QRICH1: variants seen among roughly 807,000 people sequenced by gnomAD.
QRICH1 encodes transcriptional regulator QRICH1.
A neutral mutation model predicts 87.1 loss-of-function variants in QRICH1; 16 were observed. That is an observed-to-expected ratio of 0.18 (90% CI 0.12 to 0.28). The LOEUF (loss-of-function observed/expected upper bound fraction) is 0.28, where lower values mean the gene tolerates loss of function less well. Ranked by LOEUF, QRICH1 falls within the 10% of genes least tolerant of loss-of-function variation. QRICH1 has a pLI of 1.00. For synonymous variants in QRICH1, 367 were observed against 368.4 expected, an observed-to-expected ratio of 1.00 and a Z score of 0.05; for missense variants, 647 against 951.7, an observed-to-expected ratio of 0.68 and a Z score of 4.21.
intron 5 of QRICH1, among the ~76,000 whole-genome samples, chr3:49,044,745 G>A (rs1232587727): frequency 1.3e-5 from 2 of 152,104 alleles, no homozygotes; most frequent in Non-Finnish European, 2.9e-5. Context: ...ACCCAAGAAA[G>A]GCATTATTTT....
At chr3:49,051,287 G>T (rs1174620678) in intron 3 of QRICH1, among the ~76,000 whole-genome samples, 2 of 151,930 alleles carry the variant, frequency 1.3e-5, no homozygotes, top group African/African-American at 4.8e-5. Context: ...TAACCTACTG[G>T]ACCTTTCTGG....
intron 1 of QRICH1, among the ~76,000 whole-genome samples, chr3:49,090,720 G>A (rs1437036130): frequency 6.6e-6 from 1 of 151,872 alleles, no homozygotes; most frequent in Non-Finnish European, 1.5e-5. Context: ...GCCCTGGCCT[G>A]AAGAGTGAGA....
chr3:49,054,344 G>A (rs2093388660), intron 3 of QRICH1, among the ~76,000 whole-genome samples: 1 of 152,138 alleles, frequency 6.6e-6, no homozygotes, highest in African/African-American at 2.4e-5. Flanking sequence ...CTACTGGCTA[G>A]TTTCTCCTAT....
intron 1 of QRICH1, among the ~76,000 whole-genome samples, chr3:49,090,311 T>C (rs1276736632): frequency 6.6e-6 from 1 of 152,112 alleles, no homozygotes; most frequent in Non-Finnish European, 1.5e-5. Flanking sequence ...TACAAAAAAT[T>C]AGCCGGGCAT....
intron 6 of QRICH1, 98 bp downstream of exon 6, chr3:49,044,292 C>G (rs1211175042): frequency 1.1e-6 from 1 of 905,258 alleles, no homozygotes; most frequent in Admixed American, 2.4e-5. Context: ...GATTTATATC[C>G]CCCCTCACTC....
At chr3:49,080,028 CAA>C (rs11443291) in intron 1 of QRICH1, among the ~76,000 whole-genome samples, 7 of 136,470 alleles carry the variant, frequency 5.1e-5, no homozygotes, top group Non-Finnish European at 6.3e-5. Context: ...GACTCTATCT[CAA>C]AAAAAAAAAA....
chr3:49,049,393 T>G (rs56030853), intron 3 of QRICH1, among the ~76,000 whole-genome samples: 1 of 151,824 alleles, frequency 6.6e-6, no homozygotes, highest in Admixed American at 6.6e-5. Context: ...TACAGTGAGC[T>G]GAGACAGTGC....
At chr3:49,043,322 CCT>C (rs2093321342) in intron 6 of QRICH1, among the ~76,000 whole-genome samples, 1 of 149,056 alleles carries the variant, frequency 6.7e-6, no homozygotes, top group Non-Finnish European at 1.5e-5. Flanking sequence ...ATGATGAAAC[CCT>C]GTCTCTAGTA....
intron 2 of QRICH1, chr3:49,058,156 AATT>A: frequency 1.9e-6 from 1 of 521,786 alleles, no homozygotes; most frequent in Non-Finnish European, 3.2e-6. Context: ...CAAAAAAAAA[AATT>A]TTTTTTTTTT....
chr3:49,058,916 C>A (rs539855966), intron 2 of QRICH1, among the ~76,000 whole-genome samples: 1 of 151,140 alleles, frequency 6.6e-6, no homozygotes, highest in African/African-American at 2.4e-5. Flanking sequence ...GCGTGAGCCA[C>A]CACGGCCAGC....
intron 2 of QRICH1, among the ~76,000 whole-genome samples, chr3:49,064,591 C>T (rs145990435): frequency 9.7e-4 from 148 of 152,128 alleles, no homozygotes; most frequent in Non-Finnish European, 1.8e-3. Context: ...CCATGCTGGG[C>T]GCAGTGGCTC....
chr3:49,075,023 C>G (rs778541621), intron 2 of QRICH1, among the ~76,000 whole-genome samples: 15 of 151,734 alleles, frequency 9.9e-5, no homozygotes, highest in Admixed American at 2.6e-4. Flanking sequence ...GTTTACAGTA[C>G]TCGAAAATAT....
chr3:49,086,745 A>G (rs1398781924), intron 1 of QRICH1: 1 of 152,160 alleles, frequency 6.6e-6, no homozygotes, highest in Non-Finnish European at 1.5e-5. Flanking sequence ...TTAGGTACCA[A>G]GGGAAGATCT....
intron 6 of QRICH1, among the ~76,000 whole-genome samples, chr3:49,041,589 A>G (rs778475424): frequency 1.3e-5 from 2 of 151,816 alleles, no homozygotes; most frequent in Non-Finnish European, 1.5e-5. Context: ...CGGTCTCCCA[A>G]AGTGCTAGGA....
intron 6 of QRICH1, among the ~76,000 whole-genome samples, chr3:49,036,714 G>A (rs7618142): frequency 0.015 from 2,281 of 151,172 alleles, 61 homozygotes; most frequent in African/African-American, 0.052. Flanking sequence ...AAAAACAGCC[G>A]TTAACCCTTC....
chr3:49,040,365 A>AG, intron 6 of QRICH1, among the ~76,000 whole-genome samples: 1 of 152,296 alleles, frequency 6.6e-6, no homozygotes, highest in East Asian at 1.9e-4. Context: ...CCCAGCTCTT[A>AG]GGGAGGCAGA....
intron 2 of QRICH1, among the ~76,000 whole-genome samples, chr3:49,069,739 C>T (rs762810480): frequency 1.3e-5 from 2 of 151,826 alleles, no homozygotes; most frequent in Non-Finnish European, 2.9e-5. Context: ...CTCAGCCTCC[C>T]AAAGTACTGA....
chr3:49,044,240 A>T, intron 6 of QRICH1, 150 bp downstream of exon 6: 1 of 640,732 alleles, frequency 1.6e-6, no homozygotes, highest in East Asian at 2.9e-5. Flanking sequence ...CCTCTTCCCT[A>T]TCAGGGCAAG....
intron 5 of QRICH1, among the ~76,000 whole-genome samples, chr3:49,044,997 G>C (rs2093330867): frequency 6.6e-6 from 1 of 151,838 alleles, no homozygotes; most frequent in Non-Finnish European, 1.5e-5. Flanking sequence ...CATTTCTCAA[G>C]ACTAGGCAAC....
Sources: gnomAD v4.1 joint callset for allele counts (sites outside exome capture counted in the v4.1 genomes callset) on GRCh38, gnomAD v4.1.1 for gene constraint, MANE v1.5 for transcripts, NCBI Gene and HGNC (gene_info 2026-07-23, HGNC 2026-07-21) for gene names.